Variants in CACNB4 observed in about 807,000 individuals in gnomAD.
The protein encoded by CACNB4 is calcium voltage-gated channel auxiliary subunit beta 4.
CACNB4 carries 32 observed loss-of-function variants against 71.2 expected under a neutral mutation model. The observed-to-expected ratio is 0.45, with a 90% CI of 0.34 to 0.60. The LOEUF (loss-of-function observed/expected upper bound fraction) is 0.60, where lower values mean the gene tolerates loss of function less well. Among genes scored for constraint, CACNB4 ranks in the 20% least tolerant of loss-of-function variants. The pLI is 0.01. For synonymous variants in CACNB4, 231 were observed against 236.9 expected, an observed-to-expected ratio of 0.97 and a Z score of 0.23; for missense variants, 464 against 647.9, an observed-to-expected ratio of 0.72 and a Z score of 3.08.
At chr2:151,898,125 G>T (rs1386160319) in intron 2 of CACNB4, among the ~76,000 whole-genome samples, 2 of 152,184 alleles carry the variant, frequency 1.3e-5, no homozygotes, top group Non-Finnish European at 2.9e-5. Flanking sequence ...CAAGAAGTGT[G>T]TTTACTCAGA....
At chr2:151,976,476 G>A (rs1028806633) in intron 2 of CACNB4, among the ~76,000 whole-genome samples, 7 of 152,028 alleles carry the variant, frequency 4.6e-5, no homozygotes, top group Non-Finnish European at 7.4e-5. Flanking sequence ...TTTTTCCCAC[G>A]CCTTCCATTC....
intron 2 of CACNB4, among the ~76,000 whole-genome samples, chr2:151,893,914 T>C (rs1212025398): frequency 6.6e-6 from 1 of 152,096 alleles, no homozygotes; most frequent in Non-Finnish European, 1.5e-5. Context: ...CTCATTAATA[T>C]GAGAAAGGAG....
intron 2 of CACNB4, among the ~76,000 whole-genome samples, chr2:152,079,094 T>A (rs1159125036): frequency 1.3e-5 from 2 of 151,920 alleles, no homozygotes. Flanking sequence ...GTTGTTATTT[T>A]TGTTGTTGTT....
At chr2:151,899,395 C>A (rs1035621408) in intron 2 of CACNB4, among the ~76,000 whole-genome samples, 2 of 152,150 alleles carry the variant, frequency 1.3e-5, no homozygotes, top group African/African-American at 4.8e-5. Context: ...AATAAAGGGG[C>A]CTCAGAGATA....
chr2:151,949,199 C>CAA (rs35693217), intron 2 of CACNB4, among the ~76,000 whole-genome samples: 2 of 143,586 alleles, frequency 1.4e-5, no homozygotes, highest in Admixed American at 7.0e-5. Context: ...AAATAGGTAA[C>CAA]AAAAAAAAAA....
chr2:151,926,503 C>T (rs1304738192), intron 2 of CACNB4, among the ~76,000 whole-genome samples: 4 of 152,078 alleles, frequency 2.6e-5, no homozygotes, highest in African/African-American at 9.7e-5. Context: ...CTATAAAAAG[C>T]AGAGTCTCTA....
intron 2 of CACNB4, among the ~76,000 whole-genome samples, chr2:152,011,205 AG>A (rs373629324): frequency 2.6e-4 from 40 of 152,334 alleles, no homozygotes; most frequent in African/African-American, 9.4e-4. Context: ...CTAGAATTCA[AG>A]AAAAACTTTC....
In CACNB4 at chr2:151,951,712, G is replaced by T. The variant is rs143582299; in HGVS notation, c.148-68342C>A. ...TCTTGAAAGATGCCTGCAGACTGCA[G>T]CAGTTGGCTTCTGCCACAGATGCAC... is the stretch of plus-strand genomic sequence containing the variant. On this transcript the variant is annotated intron_variant, in intron 2 of 13. Transcript: ENST00000539935. Among the ~76,000 whole-genome samples, 252 of 152,302 alleles carry T rather than the reference G, an allele frequency of 1.7e-3. 1 individual carries two copies. The highest frequency in any genetic ancestry group is 3.4e-3 in the Middle Eastern group (1 of 294).
chr2:151,989,761 T>C (rs1681586977), intron 2 of CACNB4, among the ~76,000 whole-genome samples: 1 of 152,332 alleles, frequency 6.6e-6, no homozygotes, highest in Admixed American at 6.5e-5. Flanking sequence ...ATGGTCCACA[T>C]ATATTAGACT....
intron 2 of CACNB4, among the ~76,000 whole-genome samples, chr2:152,049,990 G>A (rs1046608997): frequency 3.3e-5 from 5 of 152,196 alleles, no homozygotes; most frequent in Admixed American, 3.3e-4. Context: ...TATGGAGATG[G>A]GACACCCAAA....
chr2:152,062,253 T>G (rs1435485003), intron 2 of CACNB4, among the ~76,000 whole-genome samples: 1 of 151,418 alleles, frequency 6.6e-6, no homozygotes, highest in East Asian at 1.9e-4. Flanking sequence ...AAAAAAAAAC[T>G]AGCTAGAGAG....
At chr2:151,889,943 C>T (rs2099850325) in intron 2 of CACNB4, among the ~76,000 whole-genome samples, 1 of 152,104 alleles carries the variant, frequency 6.6e-6, no homozygotes, top group African/African-American at 2.4e-5. Context: ...AAGTTCTTCT[C>T]AGGTGGTTAC....
chr2:152,092,166 T>A (rs1688009356), intron 2 of CACNB4, among the ~76,000 whole-genome samples: 1 of 152,240 alleles, frequency 6.6e-6, no homozygotes, highest in Admixed American at 6.5e-5. Flanking sequence ...GTTTTATTCA[T>A]CTGAAAAAAG....
chr2:152,083,431 A>G (rs1404304533), intron 2 of CACNB4, among the ~76,000 whole-genome samples: 1 of 152,148 alleles, frequency 6.6e-6, no homozygotes, highest in Non-Finnish European at 1.5e-5. Flanking sequence ...ATTCTGCTGG[A>G]ACTATTGTAA....
chr2:151,884,345 C>A (rs1355941261), intron 2 of CACNB4, among the ~76,000 whole-genome samples: 2 of 143,080 alleles, frequency 1.4e-5, no homozygotes, highest in African/African-American at 2.6e-5. Flanking sequence ...TAAAAAAGGC[C>A]AGGCGCAGTG....
intron 12 of CACNB4, chr2:151,850,751 A>G (rs1314037429): frequency 6.6e-6 from 1 of 152,220 alleles, no homozygotes; most frequent in Non-Finnish European, 1.5e-5. Context: ...TGGCATATTC[A>G]GGGTTCTGTA....
chr2:152,072,752 T>C (rs1686768789), intron 2 of CACNB4, among the ~76,000 whole-genome samples: 1 of 151,918 alleles, frequency 6.6e-6, no homozygotes, highest in Non-Finnish European at 1.5e-5. Flanking sequence ...ACCATTCTCC[T>C]GTCTCAGTCT....
intron 2 of CACNB4, among the ~76,000 whole-genome samples, chr2:151,981,803 C>T (rs563037855): frequency 5.8e-4 from 89 of 152,202 alleles, no homozygotes; most frequent in African/African-American, 2.1e-3. Context: ...ATAATCTTCA[C>T]AGTAGAGCAT....
chr2:151,855,463 G>T, intron 10 of CACNB4, 88 bp from the exon 11 acceptor site: 1 of 968,472 alleles, frequency 1.0e-6, no homozygotes, highest in Non-Finnish European at 1.5e-6. Context: ...CAGATATGTT[G>T]GTCTACATTA....
Sources: gnomAD v4.1 joint callset for allele counts (sites outside exome capture counted in the v4.1 genomes callset) on GRCh38, gnomAD v4.1.1 for gene constraint, MANE v1.5 for transcripts, NCBI Gene and HGNC (gene_info 2026-07-23, HGNC 2026-07-21) for gene names.